DPEP1: variants seen among roughly 807,000 people sequenced by gnomAD.
DPEP1 encodes the protein beta-lactamase.
In DPEP1, 50 loss-of-function variants were observed where a neutral mutation model predicts 42.3. The ratio of observed to expected loss-of-function variants is 1.18; its 90% CI spans 0.94 to 1.50. DPEP1 has a LOEUF of 1.50. Ranked by LOEUF, DPEP1 falls within the 40% of genes most tolerant of loss-of-function variation. The pLI, the probability that DPEP1 is intolerant of heterozygous loss-of-function variation, is 0.00. For missense variants in DPEP1, 663 were observed against 553.0 expected, an observed-to-expected ratio of 1.20 and a Z score of -1.99; for synonymous variants, 297 against 234.0, an observed-to-expected ratio of 1.27 and a Z score of -2.46.
intron 4 of DPEP1, 53 bp downstream of exon 4, chr16:89,636,449 A>T: frequency 6.3e-7 from 1 of 1,597,228 alleles, no homozygotes; most frequent in Non-Finnish European, 8.5e-7. Context: ...CCCAGCCCTC[A>T]TCCTGAGCAG....
In DPEP1 at chr16:89,625,655, C is replaced by T. The variant is rs182880990; in HGVS notation, c.-106-4650C>T. Among the ~76,000 whole-genome samples the T allele has an allele frequency of 2.1e-3, 323 of 152,244 alleles. 6 individuals are homozygous for T. Among genetic ancestry groups the T allele is most frequent in the Admixed American group, 0.017 (267 of 15,292 alleles). The stretch of plus-strand genomic sequence containing the variant: ...GAGCTTGGAAGATGGAAGATAAGGG[C>T]ACCCAGTGTAGGGCAGGAGAAGAAA... On this transcript the variant is annotated intron_variant, in intron 1 of 10. Coordinates refer to ENST00000690203, the MANE Select transcript of DPEP1 (RefSeq NM_001389466.1).
chr16:89,621,655 T>A (rs1371002543), intron 1 of DPEP1, among the ~76,000 whole-genome samples: 1 of 152,142 alleles, frequency 6.6e-6, no homozygotes, highest in Non-Finnish European at 1.5e-5. Context: ...TGGGCTCCCG[T>A]CCCTCGCACA....
chr16:89,633,436 A>T (rs2059615144), intron 2 of DPEP1, among the ~76,000 whole-genome samples: 1 of 152,220 alleles, frequency 6.6e-6, no homozygotes, highest in Non-Finnish European at 1.5e-5. Flanking sequence ...GTCAGGAACG[A>T]CTGGGACCCA....
intron 1 of DPEP1, among the ~76,000 whole-genome samples, chr16:89,623,089 C>T (rs1186761686): frequency 6.6e-6 from 1 of 151,938 alleles, no homozygotes; most frequent in African/African-American, 2.4e-5. Flanking sequence ...CCCCACACAG[C>T]CAGAGGAAGG....
rs2059636256 is a variant in DPEP1 at position 89,634,554 on chromosome 16, T to TCC, written c.105-1353_105-1352insCC. 1.2e-4 allele frequency among the ~76,000 whole-genome samples: 4 copies of TCC among 32,526 alleles called. 1 individual carries two copies. Among genetic ancestry groups the TCC allele is most frequent in the Non-Finnish European group, 2.5e-4 (3 of 11,958 alleles). 21.3% of individuals were successfully genotyped at this position (32,526 alleles called of 152,430 possible). A position where few individuals can be genotyped will look rare whatever the true frequency, so the allele number is the denominator to read the frequency against. ...CCCTTCCTTCTCCTTTCCCCTTCCT[T>TCC]CTCCTTTCCCTTCCTTCTCCTTTCC... On this transcript the variant is annotated intron_variant, in intron 2 of 10. Transcript: ENST00000690203.
At position 89,630,520 on chromosome 16, in the gene DPEP1, T is replaced by C. The variant is rs767638111; in HGVS notation, c.104+6T>C. 6.4e-7 allele frequency: 1 copy of C among 1,564,680 alleles called. No individual in the cohort carries two copies. Among genetic ancestry groups the C allele is most frequent in the South Asian group, 1.1e-5 (1 of 88,574 alleles). ...GACTCCCCTGTCATTGATGGGTGAGTGCTCACCTGAGCCAGGTGCTTAGGG... is the reference window on the plus strand; with the variant it reads ...GACTCCCCTGTCATTGATGGGTGAGCGCTCACCTGAGCCAGGTGCTTAGGG... On this transcript the variant is annotated splice_donor_region_variant and intron_variant, in intron 2 of 10. Transcript: ENST00000690203.
At chr16:89,621,548 C>T (rs561700438) in intron 1 of DPEP1, among the ~76,000 whole-genome samples, 146 of 152,288 alleles carry the variant, frequency 9.6e-4, no homozygotes, top group Non-Finnish European at 1.7e-3. Flanking sequence ...CCGGGCTCCC[C>T]GTGGAGCTGC....
downstream of DPEP1, among the ~76,000 whole-genome samples, chr16:89,640,162 C>G (rs1297032304): frequency 6.6e-6 from 1 of 152,190 alleles, no homozygotes; most frequent in Non-Finnish European, 1.5e-5. Flanking sequence ...TCCAAGGGTT[C>G]GTCTTGAGAT....
At chr16:89,637,764 G>C in intron 9 of DPEP1, 57 bp downstream of exon 9, 2 of 1,612,820 alleles carry the variant, frequency 1.2e-6, no homozygotes, top group African/African-American at 1.3e-5. Context: ...GGCCTCGTCA[G>C]AGGGATGAGG....
chr16:89,636,156 G>T (rs1199467610), intron 3 of DPEP1, 108 bp from the exon 4 acceptor site: 7 of 1,547,162 alleles, frequency 4.5e-6, no homozygotes, highest in Non-Finnish European at 6.1e-6. Flanking sequence ...TCGGTGCCCA[G>T]GCCGAGGGAG....
chr16:89,627,238 A>G lies in DPEP1; in HGVS notation c.-106-3067A>G, dbSNP rs568124811. On this transcript the variant is annotated intron_variant, in intron 1 of 10. Transcript: ENST00000690203. Reference sequence around the variant, plus strand: ...CAGTGAGCTGAGGTTGCGCCACTGCACTCCAGCCTGGGCAATAGAGTGAGA... The same window carrying G: ...CAGTGAGCTGAGGTTGCGCCACTGCGCTCCAGCCTGGGCAATAGAGTGAGA... Among the ~76,000 whole-genome samples the G allele has an allele frequency of 2.9e-4, 41 of 142,844 alleles. No homozygotes were observed. In the South Asian group the frequency reaches 8.8e-3, roughly 31 times the overall value. 93.7% of individuals were successfully genotyped at this position (142,844 alleles called of 152,430 possible).
chr16:89,636,633 T>A lies in DPEP1; in HGVS notation c.471T>A (p.Tyr157Ter). The A allele has an allele frequency of 6.2e-7, 1 of 1,612,556 alleles. No individual in the cohort carries two copies. Among genetic ancestry groups the A allele is most frequent in the Non-Finnish European group, 8.5e-7 (1 of 1,179,944 alleles). The change falls in exon 5 of 11, where the codon TAT becomes TAA. Residue 157 changes from tyrosine to a stop codon, truncating the protein, a stop_gained. Coordinates refer to ENST00000690203, the MANE Select transcript of DPEP1 (RefSeq NM_001389466.1). LOFTEE classifies it high-confidence loss of function. The stretch of plus-strand genomic sequence containing the variant: ...GTTTGGGCGTCCTGCGGGCACTCTA[T>A]CAGCTGGGCATGCGGTACCTGACCC... ...DSSLGVLRAL[Y>*]QLGMRYLTLT...
Position 89,635,888 on chromosome 16 carries a change from C to A in DPEP1, c.105-20C>A. On this transcript the variant is annotated intron_variant, in intron 2 of 10. Coordinates refer to ENST00000690203, the MANE Select transcript of DPEP1 (RefSeq NM_001389466.1). ...CCAGTGGCCGCCCTGACTGCCTGGCCTCTCCCCGGCAAACTCCAGGCACAA... is the reference window on the plus strand; with the variant it reads ...CCAGTGGCCGCCCTGACTGCCTGGCATCTCCCCGGCAAACTCCAGGCACAA... 6.3e-7 allele frequency: 1 copy of A among 1,577,440 alleles called. No individual in the cohort carries two copies. The highest frequency in any genetic ancestry group is 1.2e-5 in the South Asian group (1 of 85,394).
At chr16:89,635,351 C>G (rs546464084) in intron 2 of DPEP1, among the ~76,000 whole-genome samples, 24 of 152,246 alleles carry the variant, frequency 1.6e-4, no homozygotes, top group Middle Eastern at 3.4e-3. Context: ...GGGCTCTTCC[C>G]TGGGGACAGA....
At chr16:89,636,195 C>G (rs2059675951) in intron 3 of DPEP1, 69 bp from the exon 4 acceptor site, 1 of 1,562,652 alleles carries the variant, frequency 6.4e-7, no homozygotes, top group East Asian at 2.4e-5. Context: ...AAACCAGACT[C>G]CCACAGGCAT....
intron 1 of DPEP1, among the ~76,000 whole-genome samples, chr16:89,619,134 TC>T (rs1448041424): frequency 1.5e-3 from 3 of 2,004 alleles, no homozygotes; most frequent in Non-Finnish European, 1.6e-3. Flanking sequence ...CCCCCCCTGC[TC>T]CCCTCCCTGC....
intron 2 of DPEP1, among the ~76,000 whole-genome samples, chr16:89,632,429 A>C (rs531150415): frequency 6.6e-6 from 1 of 152,174 alleles, no homozygotes; most frequent in Non-Finnish European, 1.5e-5. Flanking sequence ...AGGGGCAGGA[A>C]GTATCTTCAA....
At chr16:89,638,728 C>T (rs1433087875), downstream of DPEP1, among the ~76,000 whole-genome samples, 1 of 135,808 alleles carries the variant, frequency 7.4e-6, no homozygotes, top group East Asian at 2.2e-4. Flanking sequence ...TGCACACACA[C>T]ACACCGCACC....
intron 1 of DPEP1, among the ~76,000 whole-genome samples, chr16:89,617,319 G>A (rs28715507): frequency 0.028 from 4,256 of 152,182 alleles, 191 homozygotes; most frequent in African/African-American, 0.098. Flanking sequence ...CAAGGCCCAG[G>A]GCCCTGAGAG....
Sources: gnomAD v4.1 joint callset for allele counts (sites outside exome capture counted in the v4.1 genomes callset) on GRCh38, gnomAD v4.1.1 for gene constraint, MANE v1.5 for transcripts, NCBI Gene and HGNC (gene_info 2026-07-23, HGNC 2026-07-21) for gene names.